ERBB3: variants seen among roughly 807,000 people sequenced by gnomAD.
ERBB3 encodes the protein erb-b2 receptor tyrosine kinase 3, also known as receptor tyrosine-protein kinase erbB-3.
A neutral mutation model predicts 156.7 loss-of-function variants in ERBB3; 96 were observed. That is an observed-to-expected ratio of 0.61 (90% CI 0.52 to 0.73). The LOEUF (loss-of-function observed/expected upper bound fraction) is 0.73, where lower values mean the gene tolerates loss of function less well. ERBB3 is among the 30% of genes least tolerant of loss of function. The pLI, the probability that ERBB3 is intolerant of heterozygous loss-of-function variation, is 0.00. For synonymous variants in ERBB3, 567 were observed against 632.0 expected (o/e 0.90, Z 1.54); for missense variants, 1,406 against 1,709.4 (o/e 0.82, Z 3.13).
intron 23 of ERBB3, among the ~76,000 whole-genome samples, chr12:56,099,148 G>A (rs868192643): frequency 1.3e-5 from 2 of 151,752 alleles, no homozygotes; most frequent in African/African-American, 4.8e-5. Context: ...TAGAGATGGG[G>A]TTTCACCATG....
At chr12:56,082,978 G>A (rs911839946) in intron 1 of ERBB3, among the ~76,000 whole-genome samples, 4 of 152,138 alleles carry the variant, frequency 2.6e-5, no homozygotes, top group Non-Finnish European at 5.9e-5. Context: ...GTGTTGGGAT[G>A]GGGGAGAGAG....
chr12:56,091,400 A>G lies in ERBB3; in HGVS notation c.1110-1347A>G, dbSNP rs541437383. Among the ~76,000 whole-genome samples, 65 of 63,774 alleles carry G rather than the reference A, an allele frequency of 1.0e-3. 1 individual carries two copies. In the East Asian group the frequency reaches 0.041, roughly 40 times the overall value. 41.8% of individuals were successfully genotyped at this position (63,774 alleles called of 152,430 possible). ...TATATATTTATATATGTGTGTGTAT[A>G]TATATATATATTTTTTTTTTTTTTT... On this transcript the variant is annotated intron_variant, in intron 9 of 27. Transcript: ENST00000267101.
chr12:56,089,783 A>G (rs1244662851), intron 9 of ERBB3, among the ~76,000 whole-genome samples: 1 of 151,712 alleles, frequency 6.6e-6, no homozygotes, highest in Non-Finnish European at 1.5e-5. Flanking sequence ...CTGTCTCCCC[A>G]TGACTTTTAG....
intron 6 of ERBB3, 24 bp from the exon 7 acceptor site, chr12:56,087,997 C>G (rs376197052): frequency 9.3e-6 from 15 of 1,614,056 alleles, no homozygotes; most frequent in Non-Finnish European, 1.3e-5. Context: ...TAACATAAAT[C>G]TGATGAGCCT....
intron 23 of ERBB3, 63 bp from the exon 24 acceptor site, chr12:56,099,585 C>T (rs1217817277): frequency 7.1e-7 from 1 of 1,418,282 alleles, no homozygotes; most frequent in Admixed American, 1.7e-5. Flanking sequence ...AGGTGTGAGC[C>T]ACCGCGCCCG....
chr12:56,089,523 G>T (rs572578210), intron 9 of ERBB3, among the ~76,000 whole-genome samples: 1 of 152,076 alleles, frequency 6.6e-6, no homozygotes, highest in Non-Finnish European at 1.5e-5. Context: ...CGAGGTGGGC[G>T]GATTACGAGG....
At chr12:56,086,776 C>G (rs568175210) in intron 4 of ERBB3, 120 bp downstream of exon 4, 1 of 1,231,920 alleles carries the variant, frequency 8.1e-7, no homozygotes, top group East Asian at 2.3e-5. Flanking sequence ...CACCTCAGGT[C>G]CCTGACTCAG....
At position 56,088,122 on chromosome 12, in the gene ERBB3, C is replaced by G. The variant is rs374000753; in HGVS notation, c.834C>G (p.Thr278=). ...TCCAGCTGGAACCCAATCCCCACAC[C>G]AAGTATCAGTATGGAGGAGTTTGTG... is the stretch of plus-strand genomic sequence containing the variant. The part of the protein sequence containing the change: ...LTFQLEPNPH[T]KYQYGGVCVA... The change falls in exon 7 of 28, where the codon ACC becomes ACG. Residue 278 remains threonine (T), a synonymous_variant. Coordinates refer to ENST00000267101, the MANE Select transcript of ERBB3 (RefSeq NM_001982.4). 17 of 1,614,022 alleles carry G rather than the reference C, an allele frequency of 1.1e-5. No individual in the cohort carries two copies. Among genetic ancestry groups the G allele is most frequent in the Non-Finnish European group, 1.4e-5 (16 of 1,180,010 alleles).
chr12:56,091,334 A>ATATAATATGTATT (rs1868696098), intron 9 of ERBB3, among the ~76,000 whole-genome samples: 1 of 7,928 alleles, frequency 1.3e-4, no homozygotes, highest in African/African-American at 5.2e-4. Flanking sequence ...TATATAAATA[A>ATATAATATGTATT]TATATATAAA....
intron 4 of ERBB3, 143 bp from the exon 5 acceptor site, chr12:56,087,434 C>T: frequency 1.3e-6 from 1 of 778,316 alleles, no homozygotes; most frequent in Non-Finnish European, 2.3e-6. Flanking sequence ...CCCAGCCCTG[C>T]TCTCCAAGGG....
In ERBB3 at chr12:56,097,778, C is replaced by G. The variant is rs1868937348; in HGVS notation, c.2461-7C>G. The G allele has an allele frequency of 6.2e-7, 1 of 1,612,962 alleles. No individual in the cohort carries two copies. Among genetic ancestry groups the G allele is most frequent in the Non-Finnish European group, 8.5e-7 (1 of 1,179,142 alleles). ...CTTAAGAATACTTTCTTCCCCTATA[C>G]CTACAGGGAATGTACTACCTTGAGG... On this transcript the variant is annotated splice_polypyrimidine_tract_variant and splice_region_variant and intron_variant, in intron 20 of 27. Transcript: ENST00000267101.
rs547590580 is a variant in ERBB3 at position 56,087,785 on chromosome 12, C to T, written c.614-10C>T. ...GAGCCCTAACAGCCATGCTTTCTCT[C>T]CTTCCATAGTGACCAAGACCATCTG... On this transcript the variant is annotated splice_polypyrimidine_tract_variant and intron_variant, in intron 5 of 27. Coordinates refer to ENST00000267101, the MANE Select transcript of ERBB3 (RefSeq NM_001982.4). 6 of 1,611,334 alleles carry T rather than the reference C, an allele frequency of 3.7e-6. No individual in the cohort carries two copies. Among genetic ancestry groups the T allele is most frequent in the Middle Eastern group, 1.7e-4 (1 of 6,000 alleles).
intron 3 of ERBB3, among the ~76,000 whole-genome samples, chr12:56,086,063 CAAAAAAAAAAA>C (rs56926853): frequency 4.5e-5 from 4 of 89,422 alleles, no homozygotes; most frequent in African/African-American, 1.4e-4. Context: ...AGCGAGACTC[CAAAAAAAAAAA>C]AAAAAAAAAA....
intron 2 of ERBB3, among the ~76,000 whole-genome samples, chr12:56,084,784 G>A (rs1489587929): frequency 1.3e-5 from 2 of 151,988 alleles, no homozygotes; most frequent in Non-Finnish European, 2.9e-5. Flanking sequence ...GGAGGTGGAG[G>A]TTGTGGTGAG....
At chr12:56,092,143 A>C (rs2136807064) in intron 9 of ERBB3, among the ~76,000 whole-genome samples, 1 of 151,340 alleles carries the variant, frequency 6.6e-6, no homozygotes, top group East Asian at 1.9e-4. Flanking sequence ...TAATTCCAGC[A>C]CTTTGGGAGG....
chr12:56,089,599 T>C lies in ERBB3; in HGVS notation c.1109+731T>C, dbSNP rs143292757. Among the ~76,000 whole-genome samples the C allele has an allele frequency of 3.2e-4, 48 of 152,112 alleles. No homozygotes were observed. In the East Asian group the frequency reaches 7.5e-3, roughly 24 times the overall value. ...CTCTACTAAAAACACAAAAATTAGC[T>C]GGGTGTGGTGGTGCACATGCCTGTA... On this transcript the variant is annotated intron_variant, in intron 9 of 27. Coordinates refer to ENST00000267101, the MANE Select transcript of ERBB3 (RefSeq NM_001982.4).
At chr12:56,092,028 G>C (rs1256847864) in intron 9 of ERBB3, among the ~76,000 whole-genome samples, 1 of 150,374 alleles carries the variant, frequency 6.7e-6, no homozygotes, top group Non-Finnish European at 1.5e-5. Flanking sequence ...GAGCTATGAT[G>C]GCACTACTGC....
intron 7 of ERBB3, 21 bp downstream of exon 7, chr12:56,088,183 A>G: frequency 1.2e-6 from 2 of 1,612,540 alleles, no homozygotes; most frequent in South Asian, 2.2e-5. Flanking sequence ...GAGGGGAAGG[A>G]ACAATGATCA....
In ERBB3 at chr12:56,100,237, T is replaced by C. The variant is rs750291956; in HGVS notation, c.3193T>C (p.Ser1065Pro). 1 of 1,613,236 alleles carries C rather than the reference T, an allele frequency of 6.2e-7. No homozygotes were observed. The highest frequency in any genetic ancestry group is 1.7e-5 in the Admixed American group (1 of 59,982). The change falls in exon 26 of 28, where the codon TCT (serine) becomes CCT (proline). Residue 1065 changes from serine to proline, a missense_variant. By Grantham distance (74) the Ser-to-Pro change is moderately conservative. Coordinates refer to ENST00000267101, the MANE Select transcript of ERBB3 (RefSeq NM_001982.4). ...CATGAACCAGGGTAATCTTGGGGAG[T>C]CTTGCCAGGTAAGTTCTGTTGCTGA... ...MPMNQGNLGE[S>P]CQESAVSGSS...
Sources: gnomAD v4.1 joint callset for allele counts (sites outside exome capture counted in the v4.1 genomes callset) on GRCh38, gnomAD v4.1.1 for gene constraint, MANE v1.5 for transcripts, NCBI Gene and HGNC (gene_info 2026-07-23, HGNC 2026-07-21) for gene names.